CLEC16A: variants seen among roughly 807,000 people sequenced by gnomAD.
The protein encoded by CLEC16A is protein CLEC16A.
In CLEC16A, 51 loss-of-function variants were observed where a neutral mutation model predicts 109.5. The observed-to-expected ratio is 0.47, with a 90% CI of 0.37 to 0.59. CLEC16A has a LOEUF of 0.59. Ranked by LOEUF, CLEC16A falls within the 20% of genes least tolerant of loss-of-function variation. The pLI, the probability that CLEC16A is intolerant of heterozygous loss-of-function variation, is 0.00. For missense variants in CLEC16A, 1,339 were observed against 1,394.0 expected (o/e 0.96, Z 0.63); for synonymous variants, 673 against 564.2 (o/e 1.19, Z -2.73).
At chr16:10,985,538 C>A (rs1303986751) in intron 10 of CLEC16A, among the ~76,000 whole-genome samples, 3 of 120,186 alleles carry the variant, frequency 2.5e-5, no homozygotes, top group Non-Finnish European at 5.5e-5. Context: ...TGTACTGGGT[C>A]CCTCGGGACT....
intron 18 of CLEC16A, among the ~76,000 whole-genome samples, chr16:11,053,569 C>T (rs1169769973): frequency 1.3e-5 from 2 of 152,090 alleles, no homozygotes; most frequent in Non-Finnish European, 2.9e-5. Flanking sequence ...TGGGGTTTTG[C>T]CATGTTACCC....
At chr16:11,052,432 G>A (rs1021958294) in intron 18 of CLEC16A, among the ~76,000 whole-genome samples, 3 of 152,182 alleles carry the variant, frequency 2.0e-5, no homozygotes, top group Admixed American at 2.0e-4. Flanking sequence ...GGAATGACCT[G>A]TCATTTGCAC....
chr16:11,145,424 C>G (rs1453442749), intron 22 of CLEC16A, among the ~76,000 whole-genome samples: 1 of 152,250 alleles, frequency 6.6e-6, no homozygotes, highest in Non-Finnish European at 1.5e-5. Context: ...GCCTCTCCCA[C>G]TCCTGCATCC....
chr16:11,159,626 G>A (rs27838), intron 22 of CLEC16A, among the ~76,000 whole-genome samples: 106,901 of 152,208 alleles, frequency 0.7, 38,843 homozygotes, highest in African/African-American at 0.88. Context: ...AGGCAGTTGT[G>A]TCTCCCATTA....
chr16:10,982,716 G>A (rs1380707875), intron 9 of CLEC16A, among the ~76,000 whole-genome samples, 162 bp from the exon 10 acceptor site: 1 of 152,164 alleles, frequency 6.6e-6, no homozygotes, highest in Non-Finnish European at 1.5e-5. Flanking sequence ...GAGTGGAACC[G>A]AGTCCTGCTT....
At chr16:10,972,673 T>A in intron 6 of CLEC16A, 114 bp downstream of exon 6, 1 of 1,011,436 alleles carries the variant, frequency 9.9e-7, no homozygotes, top group Non-Finnish European at 1.5e-6. Flanking sequence ...TACTGATAAG[T>A]AGGCTCTCCC....
intron 19 of CLEC16A, among the ~76,000 whole-genome samples, chr16:11,086,079 T>G (rs1267814874): frequency 6.6e-6 from 1 of 152,220 alleles, no homozygotes; most frequent in African/African-American, 2.4e-5. Flanking sequence ...AGCCACTGTT[T>G]GTTGAAAGTG....
chr16:11,041,494 G>A lies in CLEC16A; in HGVS notation c.1661-760G>A, dbSNP rs911406241. 4 of 152,222 alleles carry A rather than the reference G, an allele frequency of 2.6e-5. No homozygotes were observed. In the South Asian group the frequency reaches 8.3e-4, roughly 32 times the overall value. The allele number at this position is 152,222 out of a possible 1,614,324, so 9.4% of individuals were successfully genotyped here. On this transcript the variant is annotated intron_variant, in intron 14 of 23. Coordinates refer to ENST00000409790, the MANE Select transcript of CLEC16A (RefSeq NM_015226.3). ...GGCCTCTGCCACCTTCTGGGTTGAC[G>A]AGATAAATGCCAGCCCCTCCAGCTA...
intron 12 of CLEC16A, among the ~76,000 whole-genome samples, chr16:11,020,655 A>G (rs2286974): frequency 0.5 from 75,891 of 152,176 alleles, 20,416 homozygotes; most frequent in African/African-American, 0.71. Flanking sequence ...CTGCTGCTCC[A>G]AGGAAGGATC....
chr16:10,988,688 G>T (rs575171753), intron 10 of CLEC16A, among the ~76,000 whole-genome samples: 50 of 152,154 alleles, frequency 3.3e-4, no homozygotes, highest in Admixed American at 7.9e-4. Flanking sequence ...AGGCAGCCTT[G>T]TGGAGTGGGT....
At chr16:11,154,275 A>C (rs746100778) in intron 22 of CLEC16A, among the ~76,000 whole-genome samples, 1 of 152,240 alleles carries the variant, frequency 6.6e-6, no homozygotes. Context: ...CTGTAGGTCA[A>C]GTTAGTTGAA....
intron 22 of CLEC16A, among the ~76,000 whole-genome samples, chr16:11,144,768 C>T (rs1454251769): frequency 2.6e-5 from 4 of 152,148 alleles, no homozygotes; most frequent in African/African-American, 7.2e-5. Context: ...GTGGCTCTAG[C>T]GTGCTTGGGG....
At chr16:10,948,059 A>G (rs2041502190) in intron 1 of CLEC16A, among the ~76,000 whole-genome samples, 3 of 152,046 alleles carry the variant, frequency 2.0e-5, no homozygotes, top group Admixed American at 6.5e-5. Flanking sequence ...ACGCCCAGCT[A>G]ATTTTTTGTA....
At chr16:11,088,456 G>A (rs960689911) in intron 19 of CLEC16A, among the ~76,000 whole-genome samples, 14 of 152,200 alleles carry the variant, frequency 9.2e-5, no homozygotes, top group African/African-American at 7.2e-5. Flanking sequence ...TGAAAGCCTC[G>A]TTGGGGATGG....
At chr16:11,040,162 G>A (rs955745622) in intron 14 of CLEC16A, 51 of 378,764 alleles carry the variant, frequency 1.3e-4, no homozygotes, top group South Asian at 5.0e-5. Context: ...CAATGTTTTC[G>A]CCCCCACCCC....
intron 19 of CLEC16A, among the ~76,000 whole-genome samples, chr16:11,063,449 C>T (rs892742197): frequency 6.6e-6 from 1 of 151,904 alleles, no homozygotes; most frequent in Non-Finnish European, 1.5e-5. Flanking sequence ...TGACTGGAAG[C>T]TGGGCATGTT....
intron 10 of CLEC16A, among the ~76,000 whole-genome samples, chr16:11,000,807 G>A (rs1596984544): frequency 2.0e-5 from 3 of 152,206 alleles, no homozygotes; most frequent in East Asian, 1.9e-4. Flanking sequence ...TTTGTTTTGA[G>A]CGTTATTGAA....
chr16:11,123,226 T>C (rs1597462225), intron 20 of CLEC16A, among the ~76,000 whole-genome samples: 1 of 152,134 alleles, frequency 6.6e-6, no homozygotes, highest in Non-Finnish European at 1.5e-5. Context: ...AGGATTAGCT[T>C]TTCCCTTTGG....
chr16:11,071,327 A>G (rs1400620026), intron 19 of CLEC16A, among the ~76,000 whole-genome samples: 1 of 152,220 alleles, frequency 6.6e-6, no homozygotes, highest in Non-Finnish European at 1.5e-5. Flanking sequence ...GAGAAAGACA[A>G]TGAAAAACAA....
Sources: allele counts gnomAD v4.1 joint callset (sites outside exome capture counted in the v4.1 genomes callset), GRCh38; gene constraint gnomAD v4.1.1; transcripts MANE v1.5; gene names NCBI Gene and HGNC (gene_info 2026-07-23, HGNC 2026-07-21).